Variants in SGMS1 observed in about 807,000 individuals in gnomAD.
SGMS1 encodes phosphatidylcholine:ceramide cholinephosphotransferase 1.
A neutral mutation model predicts 46.2 loss-of-function variants in SGMS1; 13 were observed. The ratio of observed to expected loss-of-function variants is 0.28; its 90% CI spans 0.18 to 0.45. The LOEUF (loss-of-function observed/expected upper bound fraction) is 0.45, where lower values mean the gene tolerates loss of function less well. Ranked by LOEUF, SGMS1 falls within the 20% of genes least tolerant of loss-of-function variation. The probability of loss-of-function intolerance (pLI) is 1.00; values close to 1 mark genes in which losing one functional copy is unlikely to be tolerated. For missense variants in SGMS1, 324 were observed against 519.9 expected (o/e 0.62, Z 3.66); for synonymous variants, 203 against 187.8 (o/e 1.08, Z -0.66).
intron 2 of SGMS1, among the ~76,000 whole-genome samples, chr10:50,540,485 G>T (rs1838042525): frequency 6.6e-6 from 1 of 152,160 alleles, no homozygotes; most frequent in African/African-American, 2.4e-5. Context: ...CCAGCCACTA[G>T]ACATATACCA....
chr10:50,479,111 T>C (rs932018763), intron 3 of SGMS1, among the ~76,000 whole-genome samples: 1 of 145,090 alleles, frequency 6.9e-6, no homozygotes, highest in Non-Finnish European at 1.5e-5. Flanking sequence ...TTAATGAGTA[T>C]AGTGAATTTC....
At chr10:50,452,818 T>C (rs1160639431) in intron 5 of SGMS1, among the ~76,000 whole-genome samples, 2 of 152,218 alleles carry the variant, frequency 1.3e-5, no homozygotes, top group Middle Eastern at 3.2e-3. Flanking sequence ...GAACTGCTTT[T>C]TTAACCGTAG....
chr10:50,312,164 C>T (rs1847265118), intron 8 of SGMS1, among the ~76,000 whole-genome samples: 1 of 151,864 alleles, frequency 6.6e-6, no homozygotes, highest in Non-Finnish European at 1.5e-5. Flanking sequence ...ATTTAATTAC[C>T]ATGATCCAAT....
At chr10:50,355,061 A>G (rs1848116757) in intron 6 of SGMS1, among the ~76,000 whole-genome samples, 1 of 152,208 alleles carries the variant, frequency 6.6e-6, no homozygotes, top group South Asian at 2.1e-4. Flanking sequence ...AGAACTAGAA[A>G]TATCATTTGA....
chr10:50,595,408 C>A lies in SGMS1; in HGVS notation c.-683-5161G>T, dbSNP rs1043644053. ...AGTCAGGCTGGTCTCAAACTCCTAA[C>A]CTTAGGTAATCCACCAGCCTCAGCC... On this transcript the variant is annotated intron_variant, in intron 1 of 10. Transcript: ENST00000361781. Among the ~76,000 whole-genome samples the A allele has an allele frequency of 3.9e-5, 6 of 152,242 alleles. No homozygotes were observed. The South Asian group carries it at 1.2e-3, about 32-fold the overall frequency.
chr10:50,594,670 A>G (rs554190470), intron 1 of SGMS1, among the ~76,000 whole-genome samples: 1 of 152,364 alleles, frequency 6.6e-6, no homozygotes, highest in South Asian at 2.1e-4. Flanking sequence ...TAATTTTTAC[A>G]ATTTAATCTG....
chr10:50,563,180 T>A (rs2131843422), intron 2 of SGMS1, among the ~76,000 whole-genome samples: 1 of 152,330 alleles, frequency 6.6e-6, no homozygotes, highest in South Asian at 2.1e-4. Flanking sequence ...CAGTACAAGA[T>A]GGACCTCTGA....
chr10:50,510,194 C>T (rs951424910), intron 3 of SGMS1, among the ~76,000 whole-genome samples: 1 of 152,116 alleles, frequency 6.6e-6, no homozygotes, highest in Non-Finnish European at 1.5e-5. Context: ...TAACATAATG[C>T]GTTTGAGATT....
At chr10:50,588,605 C>T (rs976227673) in intron 2 of SGMS1, among the ~76,000 whole-genome samples, 3 of 152,068 alleles carry the variant, frequency 2.0e-5, no homozygotes, top group Admixed American at 2.0e-4. Context: ...AATACATTAA[C>T]CTATATAACA....
intron 7 of SGMS1, among the ~76,000 whole-genome samples, chr10:50,329,267 T>G (rs948646240): frequency 6.6e-6 from 1 of 152,182 alleles, no homozygotes; most frequent in Non-Finnish European, 1.5e-5. Flanking sequence ...GAATGAGGTA[T>G]AAAAAGATGA....
At chr10:50,333,664 G>A (rs1232854072) in intron 7 of SGMS1, among the ~76,000 whole-genome samples, 1 of 152,126 alleles carries the variant, frequency 6.6e-6, no homozygotes, top group African/African-American at 2.4e-5. Context: ...AAATTCTAAG[G>A]AAAGGTTAGT....
chr10:50,358,549 C>T (rs762494270), intron 6 of SGMS1, among the ~76,000 whole-genome samples: 9 of 152,030 alleles, frequency 5.9e-5, no homozygotes, highest in Non-Finnish European at 1.3e-4. Context: ...CTTAACTGGG[C>T]GTGGTAGCTC....
intron 3 of SGMS1, among the ~76,000 whole-genome samples, chr10:50,496,579 C>G (rs1342139971): frequency 4.6e-5 from 7 of 152,164 alleles, no homozygotes; most frequent in Non-Finnish European, 7.4e-5. Flanking sequence ...TGTCCAGAAG[C>G]TGTTATATAT....
chr10:50,420,265 T>C (rs770790739), intron 6 of SGMS1, among the ~76,000 whole-genome samples: 2 of 152,218 alleles, frequency 1.3e-5, no homozygotes, highest in Non-Finnish European at 2.9e-5. Flanking sequence ...GAGCTCCCTC[T>C]TTTCTCTCTT....
At chr10:50,437,845 C>T (rs1849494672) in intron 5 of SGMS1, among the ~76,000 whole-genome samples, 1 of 152,122 alleles carries the variant, frequency 6.6e-6, no homozygotes, top group Non-Finnish European at 1.5e-5. Context: ...ATAGAAGCCA[C>T]ACTATGATGT....
intron 2 of SGMS1, among the ~76,000 whole-genome samples, chr10:50,549,967 A>G (rs1838134626): frequency 6.6e-6 from 1 of 152,240 alleles, no homozygotes; most frequent in African/African-American, 2.4e-5. Flanking sequence ...ATAAACCACC[A>G]TCTAAAAAAG....
At chr10:50,385,017 C>T (rs781488808) in intron 6 of SGMS1, among the ~76,000 whole-genome samples, 1 of 152,124 alleles carries the variant, frequency 6.6e-6, no homozygotes. Flanking sequence ...CGTGGCAGTT[C>T]CTCAATCTTT....
chr10:50,581,885 T>C (rs984984531), intron 2 of SGMS1, among the ~76,000 whole-genome samples: 1 of 152,152 alleles, frequency 6.6e-6, no homozygotes, highest in Non-Finnish European at 1.5e-5. Flanking sequence ...GACATCTACA[T>C]GGTAAACAAT....
At chr10:50,395,239 A>G (rs1022065350) in intron 6 of SGMS1, among the ~76,000 whole-genome samples, 1 of 152,182 alleles carries the variant, frequency 6.6e-6, no homozygotes, top group Non-Finnish European at 1.5e-5. Flanking sequence ...GGTGCAACTC[A>G]TAGTAAAAAT....
Sources: allele counts gnomAD v4.1 joint callset (sites outside exome capture counted in the v4.1 genomes callset), GRCh38; gene constraint gnomAD v4.1.1; transcripts MANE v1.5; gene names NCBI Gene and HGNC (gene_info 2026-07-23, HGNC 2026-07-21).